The following DPP8 variants were observed in gnomAD, a reference collection of about 807,000 sequenced individuals.
DPP8 encodes dipeptidyl peptidase 8, also known as DPP VIII.
A neutral mutation model predicts 107.5 loss-of-function variants in DPP8; 31 were observed. That is an observed-to-expected ratio of 0.29 (90% CI 0.22 to 0.39). The LOEUF is 0.39. DPP8 is among the 10% of genes least tolerant of loss of function. The pLI is 1.00. For synonymous variants in DPP8, 381 were observed against 356.6 expected (o/e 1.07, Z -0.77); for missense variants, 842 against 1,076.1 (o/e 0.78, Z 3.04).
chr15:65,465,822 C>T (rs563920357), intron 14 of DPP8, among the ~76,000 whole-genome samples: 8 of 152,280 alleles, frequency 5.3e-5, no homozygotes, highest in African/African-American at 1.9e-4. Context: ...TCCCAAAGTG[C>T]TGGGATTACA....
chr15:65,448,671 CAA>C (rs56658742), intron 19 of DPP8, among the ~76,000 whole-genome samples: 14,494 of 56,898 alleles, frequency 0.25, 1,199 homozygotes, highest in East Asian at 0.57. Flanking sequence ...AACTCCATCT[CAA>C]AAAAAAAAAA....
chr15:65,458,206 T>C lies in DPP8; in HGVS notation c.1972-1835A>G, dbSNP rs928544651. On this transcript the variant is annotated intron_variant, in intron 15 of 19. Transcript: ENST00000300141. ...TCATCTAGCCTGATCTCTTTGGATT[T>C]TTATTTGCAGAACAGTGTCTGGCAC... is the stretch of plus-strand genomic sequence containing the variant. Among the ~76,000 whole-genome samples, 3 of 152,286 alleles carry C rather than the reference T, an allele frequency of 2.0e-5. No homozygotes were observed. The East Asian group carries it at 5.8e-4, about 29-fold the overall frequency.
Position 65,451,947 on chromosome 15 carries a change from AG to A in DPP8, c.2414+12del. On this transcript the variant is annotated intron_variant, in intron 18 of 19. Transcript: ENST00000300141. ...CTCAATTTAAAAAAAAAAAAAAAAA[AG>A]CTTGCACTTACTCAGAGGGGAACTT... The A allele has an allele frequency of 1.9e-6, 3 of 1,560,194 alleles. No homozygotes were observed. Among genetic ancestry groups the A allele is most frequent in the Admixed American group, 4.2e-5 (2 of 47,476 alleles).
At chr15:65,486,186 G>A (rs1236278646) in intron 7 of DPP8, among the ~76,000 whole-genome samples, 7 of 149,496 alleles carry the variant, frequency 4.7e-5, no homozygotes, top group Admixed American at 2.0e-4. Context: ...GGTAGATCAC[G>A]AGGTCAGGAG....
intron 10 of DPP8, among the ~76,000 whole-genome samples, chr15:65,479,986 T>C (rs1403702658): frequency 6.6e-6 from 1 of 152,108 alleles, no homozygotes; most frequent in African/African-American, 2.4e-5. Context: ...TTAATATCTA[T>C]TATCTCCAGG....
Position 65,446,656 on chromosome 15 carries a change from C to G in DPP8, c.*228G>C. The G allele has an allele frequency of 1.7e-4, 25 of 147,534 alleles. No individual in the cohort carries two copies. Among genetic ancestry groups the G allele is most frequent in the Non-Finnish European group, 2.0e-4 (15 of 76,122 alleles). 9.1% of individuals were successfully genotyped at this position (147,534 alleles called of 1,614,324 possible). A position where few individuals can be genotyped will look rare whatever the true frequency, so the allele number is the denominator to read the frequency against. ...TTTTTTAGTAATTCTTATGGTATTG[C>G]TGGGTCTCTCAGGAATATGTATCAT... On this transcript the variant is annotated 3_prime_UTR_variant, in exon 20 of 20. Coordinates refer to ENST00000300141, the MANE Select transcript of DPP8 (RefSeq NM_130434.5).
At chr15:65,479,404 G>T (rs1372745696) in intron 10 of DPP8, among the ~76,000 whole-genome samples, 5 of 152,038 alleles carry the variant, frequency 3.3e-5, no homozygotes, top group African/African-American at 7.2e-5. Flanking sequence ...TTTCCAAAAA[G>T]AATTTTTCTA....
intron 3 of DPP8, among the ~76,000 whole-genome samples, chr15:65,501,619 T>A (rs2141004198): frequency 6.6e-6 from 1 of 152,280 alleles, no homozygotes; most frequent in East Asian, 1.9e-4. Flanking sequence ...CAGAGTAAGC[T>A]CTCAAATTTG....
chr15:65,454,882 C>T (rs1436548746), intron 16 of DPP8, among the ~76,000 whole-genome samples: 1 of 152,086 alleles, frequency 6.6e-6, no homozygotes, highest in Non-Finnish European at 1.5e-5. Context: ...GCCCCCTCTC[C>T]CTCAAATTTT....
At chr15:65,515,741 T>C in intron 1 of DPP8, 1 of 1,531,460 alleles carries the variant, frequency 6.5e-7, no homozygotes, top group Non-Finnish European at 9.0e-7. Flanking sequence ...AGAATCCCTC[T>C]GCTCATCCTG....
chr15:65,505,714 GCTGA>G (rs1193182220), intron 3 of DPP8, among the ~76,000 whole-genome samples: 2 of 152,218 alleles, frequency 1.3e-5, no homozygotes, highest in East Asian at 3.9e-4. Context: ...ACGTTGGGAA[GCTGA>G]GGCGGTGGAT....
chr15:65,468,581 T>TC (rs1252931413), intron 12 of DPP8, among the ~76,000 whole-genome samples: 1 of 152,054 alleles, frequency 6.6e-6, no homozygotes, highest in South Asian at 2.1e-4. Context: ...ATGCCTTTTT[T>TC]CCCCCCAGGA....
intron 1 of DPP8, chr15:65,515,555 G>A: frequency 9.7e-7 from 1 of 1,029,850 alleles, no homozygotes; most frequent in African/African-American, 1.6e-5. Flanking sequence ...ATTTTCTAAT[G>A]TCAAAAATAG....
At chr15:65,463,375 C>T (rs1156749503) in intron 15 of DPP8, among the ~76,000 whole-genome samples, 1 of 152,122 alleles carries the variant, frequency 6.6e-6, no homozygotes, top group Non-Finnish European at 1.5e-5. Context: ...CCCATGTCTA[C>T]TAAAAATATT....
In DPP8 at chr15:65,481,511, G is replaced by A. The variant is rs1461147069; in HGVS notation, c.1118+4C>T. On this transcript the variant is annotated splice_donor_region_variant and intron_variant, in intron 9 of 19. Coordinates refer to ENST00000300141, the MANE Select transcript of DPP8 (RefSeq NM_130434.5). ...ATAAAGAAGTAACAATTTAACATAC[G>A]CACTATTTTCCCTCAGGAGTCCATC... 1.3e-6 allele frequency: 2 copies of A among 1,519,792 alleles called. No homozygotes were observed. The highest frequency in any genetic ancestry group is 9.0e-7 in the Non-Finnish European group (1 of 1,114,262). 94.1% of individuals were successfully genotyped at this position (1,519,792 alleles called of 1,614,324 possible). A position where few individuals can be genotyped will look rare whatever the true frequency, so the allele number is the denominator to read the frequency against.
intron 2 of DPP8, among the ~76,000 whole-genome samples, chr15:65,509,593 C>G (rs1245583930): frequency 6.6e-6 from 1 of 152,128 alleles, no homozygotes. Flanking sequence ...TGACAAAGAA[C>G]AAGAGGCAAA....
At chr15:65,496,574 T>C (rs185660406) in intron 5 of DPP8, among the ~76,000 whole-genome samples, 2 of 152,304 alleles carry the variant, frequency 1.3e-5, no homozygotes, top group Admixed American at 6.5e-5. Flanking sequence ...TAATTAAATA[T>C]TCCCACAATA....
chr15:65,448,364 C>A (rs936381424), intron 19 of DPP8, among the ~76,000 whole-genome samples: 7 of 151,826 alleles, frequency 4.6e-5, no homozygotes, highest in Admixed American at 4.6e-4. Context: ...TGACACCCAT[C>A]TCTATTTATT....
chr15:65,497,799 C>A, intron 5 of DPP8, 65 bp downstream of exon 5: 3 of 1,254,458 alleles, frequency 2.4e-6, no homozygotes, highest in South Asian at 2.6e-5. Context: ...TTTCAAAATG[C>A]AAGCAGCAAA....
Sources: allele counts gnomAD v4.1 joint callset (sites outside exome capture counted in the v4.1 genomes callset), GRCh38; gene constraint gnomAD v4.1.1; transcripts MANE v1.5; gene names NCBI Gene and HGNC (gene_info 2026-07-23, HGNC 2026-07-21).